The following KAZN variants were observed in gnomAD, a reference collection of about 807,000 sequenced individuals.
KAZN encodes the protein kazrin.
Under a neutral mutation model 87.4 loss-of-function variants are expected in KAZN, and 40 were observed. The ratio of observed to expected loss-of-function variants is 0.46; its 90% CI spans 0.36 to 0.60. The LOEUF is 0.60. Ranked by LOEUF, KAZN falls within the 20% of genes least tolerant of loss-of-function variation. The pLI is 0.00. For missense variants in KAZN, 898 were observed against 1,073.9 expected, an observed-to-expected ratio of 0.84 and a Z score of 2.29; for synonymous variants, 466 against 458.3, an observed-to-expected ratio of 1.02 and a Z score of -0.22.
At chr1:14,421,479 T>G (rs1384936298) in intron 2 of KAZN, among the ~76,000 whole-genome samples, 4 of 152,126 alleles carry the variant, frequency 2.6e-5, no homozygotes, top group Admixed American at 1.3e-4. Context: ...GGAATGTACA[T>G]TCCCATAAAG....
At chr1:14,090,754 C>G (rs1319129359) in intron 1 of KAZN, among the ~76,000 whole-genome samples, 1 of 152,158 alleles carries the variant, frequency 6.6e-6, no homozygotes, top group Non-Finnish European at 1.5e-5. Context: ...GTCTGCTGCT[C>G]TCTGGCCATT....
intron 1 of KAZN, among the ~76,000 whole-genome samples, chr1:13,992,962 C>T (rs941002869): frequency 3.3e-5 from 5 of 152,088 alleles, no homozygotes; most frequent in African/African-American, 9.7e-5. Flanking sequence ...TCATCATCTC[C>T]CAAGACTGAA....
intron 2 of KAZN, among the ~76,000 whole-genome samples, chr1:14,226,100 A>G (rs1386799629): frequency 6.6e-6 from 1 of 152,180 alleles, no homozygotes; most frequent in Non-Finnish European, 1.5e-5. Context: ...AAACCACCCT[A>G]TCAACAGAGT....
chr1:15,024,820 G>A (rs562836538), intron 2 of KAZN, among the ~76,000 whole-genome samples: 42 of 152,304 alleles, frequency 2.8e-4, no homozygotes, highest in African/African-American at 1.0e-3. Context: ...TGGCTGGGAT[G>A]TGGACACAGT....
intron 1 of KAZN, among the ~76,000 whole-genome samples, chr1:14,652,164 T>C (rs1638421031): frequency 6.6e-6 from 1 of 152,176 alleles, no homozygotes. Context: ...CACTGCATCT[T>C]TATGTTTGCA....
chr1:13,922,393 G>C (rs1051428340), intron 1 of KAZN, among the ~76,000 whole-genome samples: 53 of 152,104 alleles, frequency 3.5e-4, no homozygotes, highest in Non-Finnish European at 6.9e-4. Context: ...ATCAATGAAG[G>C]GACTAACAGA....
intron 1 of KAZN, among the ~76,000 whole-genome samples, chr1:14,876,155 C>CA (rs1220625291): frequency 6.6e-6 from 1 of 152,156 alleles, no homozygotes; most frequent in East Asian, 1.9e-4. Flanking sequence ...AGGCTTGCCG[C>CA]GGAGGTGAGA....
intron 1 of KAZN, among the ~76,000 whole-genome samples, chr1:14,001,314 T>G (rs1639782319): frequency 3.3e-5 from 5 of 152,042 alleles, no homozygotes; most frequent in Admixed American, 3.3e-4. Context: ...AAGGACTTCT[T>G]CAAGGAGAAC....
At chr1:14,350,336 G>T (rs1658445455) in intron 2 of KAZN, among the ~76,000 whole-genome samples, 1 of 152,132 alleles carries the variant, frequency 6.6e-6, no homozygotes, top group Admixed American at 6.5e-5. Context: ...AAACAATGAT[G>T]AAAAGATTGC....
At chr1:13,963,231 C>G (rs1054274416) in intron 1 of KAZN, among the ~76,000 whole-genome samples, 5 of 152,104 alleles carry the variant, frequency 3.3e-5, no homozygotes, top group Non-Finnish European at 7.4e-5. Context: ...CTGAGGGCTA[C>G]TTTCAAGAGA....
chr1:14,415,118 T>C (rs1266152377), intron 2 of KAZN, among the ~76,000 whole-genome samples: 1 of 152,170 alleles, frequency 6.6e-6, no homozygotes, highest in Non-Finnish European at 1.5e-5. Context: ...ATTAAGCAAG[T>C]AAGTAAAGCA....
At chr1:14,644,520 C>T (rs911835982) in intron 1 of KAZN, among the ~76,000 whole-genome samples, 3 of 151,844 alleles carry the variant, frequency 2.0e-5, no homozygotes, top group African/African-American at 4.8e-5. Flanking sequence ...TGCCACCACA[C>T]CCAGCTAATT....
At chr1:14,674,019 TC>T (rs956519028) in intron 1 of KAZN, among the ~76,000 whole-genome samples, 3 of 152,160 alleles carry the variant, frequency 2.0e-5, no homozygotes, top group African/African-American at 7.2e-5. Context: ...ACGTTGAAAT[TC>T]AAGAACCCGT....
At chr1:13,914,195 T>TA (rs1214509595) in intron 1 of KAZN, among the ~76,000 whole-genome samples, 1 of 152,224 alleles carries the variant, frequency 6.6e-6, no homozygotes, top group African/African-American at 2.4e-5. Flanking sequence ...CTGGTTTTGC[T>TA]AAAAACGACA....
rs1296329373 is a variant in KAZN, at chr1:14,420,452, G to A, written c.250-178531G>A. The stretch of plus-strand genomic sequence containing the variant: ...TAGTGGATTCCCCCACCGGAGCCAC[G>A]GGGGGAGCTGCCCGCAAGTCCCGCA... On this transcript the variant is annotated intron_variant, in intron 2 of 16. Transcript: ENST00000636203. Among the ~76,000 whole-genome samples, 8 of 152,192 alleles carry A rather than the reference G, an allele frequency of 5.3e-5. No homozygotes were observed. In the East Asian group the frequency reaches 7.8e-4, roughly 15 times the overall value.
At chr1:14,650,183 T>C (rs1470689644) in intron 1 of KAZN, among the ~76,000 whole-genome samples, 1 of 152,136 alleles carries the variant, frequency 6.6e-6, no homozygotes, top group East Asian at 1.9e-4. Context: ...CAGCAGGTTT[T>C]GTGGGCCATG....
At chr1:13,898,801 T>G (rs1327719570) in intron 1 of KAZN, among the ~76,000 whole-genome samples, 3 of 152,236 alleles carry the variant, frequency 2.0e-5, no homozygotes, top group Non-Finnish European at 4.4e-5. Flanking sequence ...ATTATCATGC[T>G]CCTTCTGAAG....
chr1:14,954,863 G>A (rs58877955), intron 1 of KAZN, among the ~76,000 whole-genome samples: 2,402 of 150,794 alleles, frequency 0.016, 54 homozygotes, highest in African/African-American at 0.045. Context: ...GGCTGAGGCC[G>A]GAACCCAGGA....
chr1:14,254,268 C>G (rs1455348667), intron 2 of KAZN, among the ~76,000 whole-genome samples: 5 of 152,202 alleles, frequency 3.3e-5, no homozygotes, highest in Admixed American at 1.3e-4. Flanking sequence ...TATCCAGCAA[C>G]TTTTGCTAAT....
Sources: gnomAD v4.1 joint callset for allele counts (sites outside exome capture counted in the v4.1 genomes callset) on GRCh38, gnomAD v4.1.1 for gene constraint, MANE v1.5 for transcripts, NCBI Gene and HGNC (gene_info 2026-07-23, HGNC 2026-07-21) for gene names.